Variants in SEMA6D observed in about 807,000 individuals in gnomAD.
The protein encoded by SEMA6D is semaphorin-6D.
SEMA6D carries 35 observed loss-of-function variants against 106.6 expected under a neutral mutation model. The observed-to-expected ratio is 0.33, with a 90% CI of 0.25 to 0.44. The LOEUF (loss-of-function observed/expected upper bound fraction) is 0.44, where lower values mean the gene tolerates loss of function less well. Ranked by LOEUF, SEMA6D falls within the 20% of genes least tolerant of loss-of-function variation. The pLI is 1.00. For synonymous variants in SEMA6D, 499 were observed against 487.7 expected (o/e 1.02, Z -0.31); for missense variants, 1,185 against 1,345.9 (o/e 0.88, Z 1.87).
intron 2 of SEMA6D, among the ~76,000 whole-genome samples, chr15:47,455,958 C>T (rs2042333992): frequency 6.6e-6 from 1 of 151,890 alleles, no homozygotes; most frequent in African/African-American, 2.4e-5. Flanking sequence ...TTCAGCCCCC[C>T]TCCAAGATGG....
intron 4 of SEMA6D, among the ~76,000 whole-genome samples, chr15:47,620,713 C>T (rs2077083090): frequency 6.9e-6 from 1 of 144,420 alleles, no homozygotes; most frequent in African/African-American, 2.5e-5. Context: ...TATATATACA[C>T]ACATATATAT....
At chr15:47,528,915 AT>A (rs1403297132) in intron 3 of SEMA6D, among the ~76,000 whole-genome samples, 1 of 152,234 alleles carries the variant, frequency 6.6e-6, no homozygotes, top group African/African-American at 2.4e-5. Flanking sequence ...CTGAAGTCTT[AT>A]CTATAACATA....
intron 1 of SEMA6D, among the ~76,000 whole-genome samples, chr15:47,239,549 A>G (rs1476396796): frequency 2.6e-5 from 4 of 152,148 alleles, no homozygotes; most frequent in African/African-American, 4.8e-5. Context: ...AGCAGACAGG[A>G]TTGAGAAACA....
chr15:47,562,284 T>C (rs1435389774), intron 3 of SEMA6D, among the ~76,000 whole-genome samples: 1 of 152,032 alleles, frequency 6.6e-6, no homozygotes, highest in African/African-American at 2.4e-5. Flanking sequence ...TTACATTCAC[T>C]ATGCTAAAAA....
intron 1 of SEMA6D, among the ~76,000 whole-genome samples, chr15:47,727,151 A>G (rs1324658229): frequency 6.6e-6 from 1 of 152,212 alleles, no homozygotes; most frequent in African/African-American, 2.4e-5. Flanking sequence ...TGGGGCTATT[A>G]AAAATCTGAA....
At chr15:47,189,115 G>A (rs1478692848) in intron 1 of SEMA6D, among the ~76,000 whole-genome samples, 1 of 152,096 alleles carries the variant, frequency 6.6e-6, no homozygotes, top group African/African-American at 2.4e-5. Context: ...AAGTTATTGT[G>A]ATTCCATGGT....
chr15:47,260,617 A>G (rs78673643), intron 1 of SEMA6D, among the ~76,000 whole-genome samples: 3,670 of 152,146 alleles, frequency 0.024, 62 homozygotes, highest in Middle Eastern at 0.051. Context: ...AGTCATTGTG[A>G]TGTCTCTGTA....
chr15:47,708,509 T>C (rs2078956426), intron 4 of SEMA6D, among the ~76,000 whole-genome samples: 1 of 152,252 alleles, frequency 6.6e-6, no homozygotes, highest in African/African-American at 2.4e-5. Flanking sequence ...GTACATTTTC[T>C]CTACCTCTGG....
chr15:47,367,636 C>T (rs185033034), intron 1 of SEMA6D, among the ~76,000 whole-genome samples: 33 of 151,452 alleles, frequency 2.2e-4, no homozygotes, highest in Admixed American at 5.3e-4. Flanking sequence ...GTGATTTTGC[C>T]ATTATGAGTA....
intron 1 of SEMA6D, among the ~76,000 whole-genome samples, chr15:47,312,147 T>G (rs528671710): frequency 5.2e-4 from 4 of 7,664 alleles, no homozygotes; most frequent in Admixed American, 2.6e-3. Flanking sequence ...CTTTCTAGGG[T>G]TTTTTTTTTT....
chr15:47,313,889 A>G (rs2036538512), intron 1 of SEMA6D, among the ~76,000 whole-genome samples: 1 of 152,238 alleles, frequency 6.6e-6, no homozygotes, highest in African/African-American at 2.4e-5. Context: ...ATGAATAAAG[A>G]TACTATAAAC....
chr15:47,478,756 C>T (rs2043068195), intron 3 of SEMA6D, among the ~76,000 whole-genome samples: 1 of 152,070 alleles, frequency 6.6e-6, no homozygotes, highest in Admixed American at 6.6e-5. Flanking sequence ...TCTCAAGCTA[C>T]TAATAAAGAC....
At chr15:47,637,007 A>G (rs1006653813) in intron 4 of SEMA6D, among the ~76,000 whole-genome samples, 1 of 152,180 alleles carries the variant, frequency 6.6e-6, no homozygotes. Context: ...TGAAGCACTT[A>G]TGTGGACATA....
rs1839625543 is a variant in SEMA6D at position 47,494,440 on chromosome 15, T to C, written c.-87+23895T>C. Among the ~76,000 whole-genome samples, 6 of 152,054 alleles carry C rather than the reference T, an allele frequency of 3.9e-5. No homozygotes were observed. The South Asian group carries it at 1.2e-3, about 31-fold the overall frequency. ...GAGTTCTAGATGTCCTAAAGAAATT[T>C]CTAAGCAGCATTAAAATCTCAAGTA... On this transcript the variant is annotated intron_variant, in intron 3 of 19. Coordinates refer to the SEMA6D transcript ENST00000558014.
At chr15:47,652,202 T>C (rs2077705260) in intron 4 of SEMA6D, among the ~76,000 whole-genome samples, 1 of 152,208 alleles carries the variant, frequency 6.6e-6, no homozygotes, top group Non-Finnish European at 1.5e-5. Flanking sequence ...TCAAGTAATG[T>C]GGAGTGAATG....
At chr15:47,348,099 C>T (rs955387575) in intron 1 of SEMA6D, among the ~76,000 whole-genome samples, 1 of 152,162 alleles carries the variant, frequency 6.6e-6, no homozygotes, top group African/African-American at 2.4e-5. Flanking sequence ...AGTGATACAC[C>T]TAACACATAT....
chr15:47,702,478 A>G (rs2078831514), intron 4 of SEMA6D, among the ~76,000 whole-genome samples: 1 of 152,180 alleles, frequency 6.6e-6, no homozygotes, highest in African/African-American at 2.4e-5. Context: ...ACAAAACTAA[A>G]CATATGCTTA....
chr15:47,412,046 A>G (rs1158368051), intron 1 of SEMA6D, among the ~76,000 whole-genome samples: 1 of 152,116 alleles, frequency 6.6e-6, no homozygotes. Context: ...CTTCATTAAA[A>G]TTGGGTTGGT....
chr15:47,227,437 CT>C (rs67984494), intron 1 of SEMA6D, among the ~76,000 whole-genome samples: 1,461 of 92,496 alleles, frequency 0.016, 23 homozygotes, highest in Non-Finnish European at 0.024. Context: ...TTCTTTCTTT[CT>C]TTTCTTTCTT....
Sources: gnomAD v4.1 joint callset for allele counts (sites outside exome capture counted in the v4.1 genomes callset) on GRCh38, gnomAD v4.1.1 for gene constraint, MANE v1.5 for transcripts, NCBI Gene and HGNC (gene_info 2026-07-23, HGNC 2026-07-21) for gene names.